The following CACNA1C variants were observed in gnomAD, a reference collection of about 807,000 sequenced individuals.
CACNA1C encodes calcium voltage-gated channel subunit alpha1 C, also known as voltage-dependent L-type calcium channel subunit alpha-1C.
Under a neutral mutation model 229.0 loss-of-function variants are expected in CACNA1C, and 30 were observed. The observed-to-expected ratio is 0.13, with a 90% CI of 0.10 to 0.18. The LOEUF (loss-of-function observed/expected upper bound fraction) is 0.18, where lower values mean the gene tolerates loss of function less well. Ranked by LOEUF, CACNA1C falls within the 10% of genes least tolerant of loss-of-function variation. CACNA1C has a pLI of 1.00. For missense variants in CACNA1C, 1,658 were observed against 2,845.0 expected (o/e 0.58, Z 9.49); for synonymous variants, 1,114 against 1,132.5 (o/e 0.98, Z 0.33).
intron 3 of CACNA1C, among the ~76,000 whole-genome samples, chr12:2,330,825 G>T (rs1300194780): frequency 6.6e-6 from 1 of 152,160 alleles, no homozygotes; most frequent in African/African-American, 2.4e-5. Flanking sequence ...ATCTCATACA[G>T]TTTGCCACAA....
chr12:2,256,346 C>T (rs1416372936), intron 3 of CACNA1C, among the ~76,000 whole-genome samples: 1 of 152,188 alleles, frequency 6.6e-6, no homozygotes, highest in Non-Finnish European at 1.5e-5. Flanking sequence ...GACTTAAACA[C>T]ATAATTGGAA....
At chr12:2,640,927 C>G (rs1329298305) in intron 30 of CACNA1C, among the ~76,000 whole-genome samples, 8 of 152,252 alleles carry the variant, frequency 5.3e-5, no homozygotes, top group Admixed American at 5.2e-4. Context: ...GCCTGCACGA[C>G]TCCAGCCCTC....
chr12:2,557,926 A>G (rs1435900494), intron 11 of CACNA1C, among the ~76,000 whole-genome samples: 1 of 152,196 alleles, frequency 6.6e-6, no homozygotes, highest in Non-Finnish European at 1.5e-5. Context: ...GAGTGGACAG[A>G]TGTGTGCAGG....
chr12:2,599,491 G>A (rs1416462401), intron 21 of CACNA1C, among the ~76,000 whole-genome samples: 2 of 152,184 alleles, frequency 1.3e-5, no homozygotes, highest in African/African-American at 4.8e-5. Context: ...GCAGAATCAA[G>A]ACCAATGAGT....
chr12:2,662,121 A>G lies in CACNA1C; in HGVS notation c.4233-2704A>G, dbSNP rs558455782. On this transcript the variant is annotated intron_variant, in intron 34 of 46. Coordinates refer to ENST00000399655, the MANE Select transcript of CACNA1C (RefSeq NM_000719.7). ...GCCGGGCGTGGTAGCAGGCGCCTGT[A>G]GTCCCAGCTACTCAGGAGGCTAAGG... Among the ~76,000 whole-genome samples, 429 of 152,176 alleles carry G rather than the reference A, an allele frequency of 2.8e-3. 5 individuals are homozygous for G. Among genetic ancestry groups the G allele is most frequent in the African/African-American group, 1.0e-2 (414 of 41,538 alleles).
intron 3 of CACNA1C, among the ~76,000 whole-genome samples, chr12:2,380,528 C>T (rs996278700): frequency 6.6e-6 from 1 of 152,170 alleles, no homozygotes; most frequent in African/African-American, 2.4e-5. Context: ...ATGTTTTTCA[C>T]CCCTCTGGGA....
Position 2,120,416 on chromosome 12 carries a change from A to T in CACNA1C, c.463A>T (p.Thr155Ser). Residue 155 changes from threonine (T) to serine (S), a missense_variant, in exon 3 of 47, where the codon ACC becomes TCC. By Grantham distance (58) the Thr-to-Ser change is moderately conservative. This residue lies in a region of CACNA1C where 89 missense variants were observed against 177.8 expected (regional missense o/e 0.50). Coordinates refer to ENST00000399655, the MANE Select transcript of CACNA1C (RefSeq NM_000719.7). ...IPFPEDDSNA[T>S]NSNLERVEYL... ...CTTTCCAGAAGATGATTCCAACGCC[A>T]CCAATTCCAACCTGGTAAGTCCACC... The T allele has an allele frequency of 6.3e-7, 1 of 1,594,784 alleles. No individual in the cohort carries two copies. Among genetic ancestry groups the T allele is most frequent in the Non-Finnish European group, 8.6e-7 (1 of 1,162,460 alleles).
In CACNA1C at chr12:2,585,693, T is replaced by C; in HGVS notation, c.2461-142T>C. 2.3e-6 allele frequency: 2 copies of C among 874,828 alleles called. No homozygotes were observed. Among genetic ancestry groups the C allele is most frequent in the African/African-American group, 1.7e-5 (1 of 59,934 alleles). 54.2% of individuals were successfully genotyped at this position (874,828 alleles called of 1,614,324 possible). On this transcript the variant is annotated intron_variant, in intron 17 of 46. Transcript: ENST00000399655. The surrounding 1 kb of genome is among the most constrained non-coding windows in gnomAD (Gnocchi z 4.1). ...GCTGGATCCCAGCCATCTGCTGATG[T>C]CTTGAAGGAGATATGCAAAGTGACA...
At position 2,053,366 on chromosome 12, in the gene CACNA1C, G is replaced by A; in HGVS notation, c.-197G>A. 1 of 1,368,752 alleles carries A rather than the reference G, an allele frequency of 7.3e-7. No individual in the cohort carries two copies. Among genetic ancestry groups the A allele is most frequent in the South Asian group, 1.8e-5 (1 of 55,484 alleles). 84.8% of individuals were successfully genotyped at this position (1,368,752 alleles called of 1,614,324 possible). A position where few individuals can be genotyped will look rare whatever the true frequency, so the allele number is the denominator to read the frequency against. On this transcript the variant is annotated 5_prime_UTR_variant, in exon 1 of 47. Transcript: ENST00000399655. This position sits in a 1 kb window ranked among gnomAD's most constrained non-coding sequence, Gnocchi z 5.8. ...GAGGAGGCAGTAGTGGAAAGGAGCAGTTTTTGGGGTTTGATGCCATAATGG... is the reference window on the plus strand; with the variant it reads ...GAGGAGGCAGTAGTGGAAAGGAGCAATTTTTGGGGTTTGATGCCATAATGG...
intron 29 of CACNA1C, among the ~76,000 whole-genome samples, chr12:2,622,421 C>T (rs573860416): frequency 4.6e-5 from 7 of 152,272 alleles, no homozygotes; most frequent in South Asian, 2.1e-4. Flanking sequence ...CACGTCCTCC[C>T]ATACTGAGCA....
chr12:2,644,625 C>G (rs948940338), intron 30 of CACNA1C, among the ~76,000 whole-genome samples: 3 of 152,188 alleles, frequency 2.0e-5, no homozygotes, highest in African/African-American at 4.8e-5. Flanking sequence ...CTGGGAGGAT[C>G]CTGTCTCTGC....
intron 3 of CACNA1C, among the ~76,000 whole-genome samples, chr12:2,286,413 C>A (rs906566629): frequency 6.6e-6 from 1 of 152,130 alleles, no homozygotes; most frequent in African/African-American, 2.4e-5. Flanking sequence ...TGAAAATATG[C>A]CTTAGGCAGG....
intron 3 of CACNA1C, among the ~76,000 whole-genome samples, chr12:2,333,486 T>G (rs1231805857): frequency 1.3e-5 from 2 of 152,188 alleles, no homozygotes; most frequent in Non-Finnish European, 2.9e-5. Context: ...TCCTGCGTTT[T>G]CTCCTGGAAT....
At chr12:2,201,335 T>C (rs1408325186) in intron 3 of CACNA1C, among the ~76,000 whole-genome samples, 1 of 152,246 alleles carries the variant, frequency 6.6e-6, no homozygotes, top group African/African-American at 2.4e-5. Context: ...TTTGGTGTTC[T>C]TATGTGTTAG....
intron 1 of CACNA1C, among the ~76,000 whole-genome samples, chr12:2,018,739 T>G (rs1468490): frequency 0.76 from 115,064 of 152,158 alleles, 44,478 homozygotes; most frequent in African/African-American, 0.93. Flanking sequence ...CAGGGACAGG[T>G]AGCTTGACTT....
chr12:2,300,604 G>A (rs1025137450), intron 3 of CACNA1C, among the ~76,000 whole-genome samples: 1 of 152,274 alleles, frequency 6.6e-6, no homozygotes, highest in Admixed American at 6.5e-5. Context: ...CCAGCCTGGT[G>A]ACAGAGTGAG....
chr12:2,076,172 G>A (rs2063115393), intron 1 of CACNA1C, among the ~76,000 whole-genome samples: 1 of 152,136 alleles, frequency 6.6e-6, no homozygotes, highest in Non-Finnish European at 1.5e-5. Flanking sequence ...CCTTACACAG[G>A]CTTGCCTTCG....
At chr12:2,412,114 C>T (rs2098814651) in intron 3 of CACNA1C, among the ~76,000 whole-genome samples, 1 of 152,142 alleles carries the variant, frequency 6.6e-6, no homozygotes, top group African/African-American at 2.4e-5. Flanking sequence ...CTCGTTACCC[C>T]TGTGGCTGTG....
chr12:2,619,733 G>A (rs759219566), intron 29 of CACNA1C, among the ~76,000 whole-genome samples: 1 of 151,928 alleles, frequency 6.6e-6, no homozygotes, highest in Non-Finnish European at 1.5e-5. Flanking sequence ...AGAACTCTTT[G>A]TTTGTGTGAC....
Sources: allele counts gnomAD v4.1 joint callset (sites outside exome capture counted in the v4.1 genomes callset), GRCh38; gene constraint gnomAD v4.1.1; regional missense constraint gnomAD v4.1.1; non-coding constraint Gnocchi (gnomAD v3.1); transcripts MANE v1.5; gene names NCBI Gene and HGNC (gene_info 2026-07-23, HGNC 2026-07-21).